The following RHEX variants were observed in gnomAD, a reference collection of about 807,000 sequenced individuals.
RHEX encodes regulator of hemoglobinization and erythroid cell expansion.
A neutral mutation model predicts 20.1 loss-of-function variants in RHEX; 18 were observed. The observed-to-expected ratio is 0.90, with a 90% CI of 0.62 to 1.33. The LOEUF (loss-of-function observed/expected upper bound fraction) is 1.33. Among genes scored for constraint, RHEX ranks in the 40% most tolerant of loss-of-function variants. The pLI is 0.00. For synonymous variants in RHEX, 87 were observed against 77.1 expected (o/e 1.13, Z -0.67); for missense variants, 192 against 214.3 (o/e 0.90, Z 0.65).
chr1:206,098,618 G>A (rs1663125992), intron 3 of RHEX: 1 of 158,998 alleles, frequency 6.3e-6, no homozygotes, highest in African/African-American at 2.4e-5. Flanking sequence ...ATAGAAGGTA[G>A]TGAAGCTCGG....
At chr1:206,087,065 A>C (rs908200404) in intron 1 of RHEX, among the ~76,000 whole-genome samples, 1 of 152,190 alleles carries the variant, frequency 6.6e-6, no homozygotes, top group African/African-American at 2.4e-5. Context: ...TATAACCCTG[A>C]AGCTGGAAAA....
At chr1:206,069,564 TA>T (rs1553284468) in intron 1 of RHEX, among the ~76,000 whole-genome samples, 1 of 152,226 alleles carries the variant, frequency 6.6e-6, no homozygotes, top group Non-Finnish European at 1.5e-5. Flanking sequence ...GTCCTAGTTT[TA>T]GCATTGAAAG....
intron 1 of RHEX, chr1:206,060,962 G>A (rs1553283272): frequency 1.3e-5 from 2 of 152,114 alleles, no homozygotes; most frequent in Admixed American, 1.3e-4. Context: ...GTAATATGAA[G>A]GAGATATGAA....
chr1:206,097,044 G>A (rs1663087814), intron 1 of RHEX, among the ~76,000 whole-genome samples: 1 of 152,012 alleles, frequency 6.6e-6, no homozygotes, highest in African/African-American at 2.4e-5. Flanking sequence ...AAAAGTGCTG[G>A]GATTACAGGG....
intron 1 of RHEX, among the ~76,000 whole-genome samples, chr1:206,057,184 T>C (rs1662210298): frequency 3.9e-5 from 6 of 152,242 alleles, no homozygotes; most frequent in Admixed American, 3.3e-4. Context: ...AAAAATTTGT[T>C]TTTGCAATTA....
At chr1:206,081,149 C>G (rs1662729060) in intron 1 of RHEX, among the ~76,000 whole-genome samples, 1 of 152,206 alleles carries the variant, frequency 6.6e-6, no homozygotes, top group Non-Finnish European at 1.5e-5. Flanking sequence ...AAATCATCTT[C>G]TCATCATCGG....
chr1:206,083,756 T>TAAACA, intron 1 of RHEX: 3 of 531,814 alleles, frequency 5.6e-6, no homozygotes, highest in Non-Finnish European at 4.8e-6. Flanking sequence ...GTTTATGTGC[T>TAAACA]GAGATTCCAG....
chr1:206,097,454 A>G (rs1663095993), intron 1 of RHEX, among the ~76,000 whole-genome samples: 1 of 152,222 alleles, frequency 6.6e-6, no homozygotes, highest in Non-Finnish European at 1.5e-5. Flanking sequence ...CACATGCTGA[A>G]TCTATAACAA....
chr1:206,063,243 A>C (rs1662341450), intron 1 of RHEX, among the ~76,000 whole-genome samples: 1 of 152,210 alleles, frequency 6.6e-6, no homozygotes, highest in Non-Finnish European at 1.5e-5. Context: ...TGTGTCTGGA[A>C]TGGAACTGGG....
At chr1:206,081,158 G>A (rs574528222) in intron 1 of RHEX, among the ~76,000 whole-genome samples, 5 of 152,206 alleles carry the variant, frequency 3.3e-5, no homozygotes, top group East Asian at 3.9e-4. Flanking sequence ...TCTCATCATC[G>A]GCAAGTGTTT....
At chr1:206,056,603 A>G (rs1553282643) in intron 1 of RHEX, 1 of 152,308 alleles carries the variant, frequency 6.6e-6, no homozygotes, top group Non-Finnish European at 1.5e-5. Context: ...GCGTGTTATG[A>G]CCCATTTTAA....
intron 1 of RHEX, among the ~76,000 whole-genome samples, chr1:206,055,235 C>T (rs1287249690): frequency 1.3e-5 from 2 of 152,292 alleles, no homozygotes; most frequent in Non-Finnish European, 2.9e-5. Context: ...ACACTAAGTT[C>T]ACTTCATGTC....
At chr1:206,091,403 T>A (rs1354083876) in intron 1 of RHEX, among the ~76,000 whole-genome samples, 1 of 152,210 alleles carries the variant, frequency 6.6e-6, no homozygotes, top group Non-Finnish European at 1.5e-5. Context: ...TGTCAGATAC[T>A]GATTATTGGT....
intron 1 of RHEX, among the ~76,000 whole-genome samples, chr1:206,077,888 A>G (rs1234701054): frequency 1.3e-5 from 2 of 152,222 alleles, no homozygotes; most frequent in African/African-American, 4.8e-5. Flanking sequence ...AAGTGGAAGA[A>G]AATGATTGCT....
intron 1 of RHEX, among the ~76,000 whole-genome samples, chr1:206,064,635 C>T (rs191646353): frequency 0.031 from 4,515 of 147,452 alleles, 210 homozygotes; most frequent in African/African-American, 0.1. Flanking sequence ...GGCCGGCCGC[C>T]CCGTCCCGGG....
intron 1 of RHEX, among the ~76,000 whole-genome samples, chr1:206,095,005 C>T (rs1553287500): frequency 6.6e-6 from 1 of 152,024 alleles, no homozygotes; most frequent in Non-Finnish European, 1.5e-5. Context: ...CATTTGGGGT[C>T]CCTTTGGCCA....
intron 1 of RHEX, among the ~76,000 whole-genome samples, chr1:206,087,488 C>A (rs782092087): frequency 3.3e-5 from 5 of 152,222 alleles, no homozygotes; most frequent in Non-Finnish European, 7.3e-5. Flanking sequence ...CCTGCGGCAT[C>A]TCTTCTGCTT....
intron 1 of RHEX, among the ~76,000 whole-genome samples, chr1:206,059,871 C>T (rs1420270769): frequency 6.6e-6 from 1 of 152,150 alleles, no homozygotes; most frequent in African/African-American, 2.4e-5. Context: ...GGGCAGGCTC[C>T]CACGCCTGCC....
intron 1 of RHEX, among the ~76,000 whole-genome samples, chr1:206,074,935 A>G (rs782229704): frequency 6.6e-6 from 1 of 152,216 alleles, no homozygotes; most frequent in South Asian, 2.1e-4. Context: ...ACAAAGGGTA[A>G]TAACAGGGCC....
Sources: allele counts gnomAD v4.1 joint callset (sites outside exome capture counted in the v4.1 genomes callset), GRCh38; gene constraint gnomAD v4.1.1; transcripts MANE v1.5; gene names NCBI Gene and HGNC (gene_info 2026-07-23, HGNC 2026-07-21).